Variants in METAP1 observed in about 807,000 individuals in gnomAD.
METAP1 encodes methionine aminopeptidase 1.
METAP1 carries 28 observed loss-of-function variants against 53.8 expected under a neutral mutation model. The observed-to-expected ratio is 0.52, with a 90% confidence interval of 0.39 to 0.71. METAP1 has a LOEUF of 0.71. Ranked by LOEUF, METAP1 falls within the 30% of genes least tolerant of loss-of-function variation. The pLI is 0.00. For missense variants in METAP1, 389 were observed against 479.8 expected (o/e 0.81, Z 1.77); for synonymous variants, 181 against 165.7 (o/e 1.09, Z -0.71).
At chr4:99,050,264 A>T (rs1230050496) in intron 9 of METAP1, among the ~76,000 whole-genome samples, 1 of 152,236 alleles carries the variant, frequency 6.6e-6, no homozygotes, top group Non-Finnish European at 1.5e-5. Context: ...GGTGTGCCAA[A>T]TGCCAGACTG....
chr4:99,003,719 T>C (rs1335166002), intron 1 of METAP1, among the ~76,000 whole-genome samples: 1 of 152,208 alleles, frequency 6.6e-6, no homozygotes, highest in African/African-American at 2.4e-5. Context: ...CAAACTTTTT[T>C]CCCTCTGTTC....
chr4:99,057,924 T>C, intron 10 of METAP1, 106 bp downstream of exon 10: 2 of 893,360 alleles, frequency 2.2e-6, no homozygotes, highest in Non-Finnish European at 1.7e-6. Context: ...TGCTTCCTAC[T>C]CACTCCCTGT....
chr4:99,031,488 G>T (rs1725023949), intron 2 of METAP1: 2 of 1,286,402 alleles, frequency 1.6e-6, no homozygotes, highest in Non-Finnish European at 2.0e-6. Context: ...ACACTAGTGT[G>T]CCTGATTTTT....
chr4:99,040,972 C>T (rs1449996503), intron 5 of METAP1, 71 bp from the exon 6 acceptor site: 1 of 906,930 alleles, frequency 1.1e-6, no homozygotes, highest in Admixed American at 2.4e-5. Context: ...CTTCCACAGT[C>T]AAACAGTAGA....
intron 2 of METAP1, among the ~76,000 whole-genome samples, chr4:99,032,479 G>A (rs1459314946): frequency 6.6e-6 from 1 of 152,092 alleles, no homozygotes; most frequent in Non-Finnish European, 1.5e-5. Context: ...CAGTCCACCT[G>A]CCTTGGCCTC....
At chr4:99,047,451 TCC>T (rs1726351631) in intron 8 of METAP1, among the ~76,000 whole-genome samples, 1 of 152,050 alleles carries the variant, frequency 6.6e-6, no homozygotes, top group African/African-American at 2.4e-5. Flanking sequence ...TTGTTCCCCC[TCC>T]CACCCCAGGC....
intron 1 of METAP1, among the ~76,000 whole-genome samples, chr4:99,022,090 G>A (rs1560705207): frequency 6.6e-6 from 1 of 152,200 alleles, no homozygotes; most frequent in Non-Finnish European, 1.5e-5. Context: ...ATATGCAGTA[G>A]TCATAATCAT....
intron 1 of METAP1, 93 bp downstream of exon 1, chr4:98,995,960 G>T: frequency 1.0e-6 from 1 of 1,003,922 alleles, no homozygotes; most frequent in Admixed American, 2.1e-5. Context: ...GGCGAGTCGG[G>T]ACGCGCTCCT....
chr4:99,053,233 A>G (rs1462090556), intron 9 of METAP1, among the ~76,000 whole-genome samples: 3 of 151,960 alleles, frequency 2.0e-5, no homozygotes, highest in Non-Finnish European at 4.4e-5. Context: ...ATGAATCACA[A>G]TTTTTTGGTT....
intron 1 of METAP1, chr4:99,023,675 T>A (rs1724315836): frequency 1.0e-6 from 1 of 985,240 alleles, no homozygotes; most frequent in South Asian, 4.7e-5. Context: ...AGGAAAGAAT[T>A]TGAGAGAGGT....
chr4:99,027,089 G>A (rs1399947971), intron 1 of METAP1, among the ~76,000 whole-genome samples: 2 of 152,196 alleles, frequency 1.3e-5, no homozygotes, highest in Non-Finnish European at 2.9e-5. Context: ...GGCTATTTGA[G>A]TAGCTACTTT....
intron 1 of METAP1, among the ~76,000 whole-genome samples, chr4:99,016,371 T>C (rs1391735578): frequency 2.0e-5 from 3 of 152,164 alleles, no homozygotes; most frequent in Non-Finnish European, 4.4e-5. Context: ...AAAATTTAGT[T>C]AGATGACTTG....
chr4:99,028,139 A>T (rs1346631413), intron 1 of METAP1, among the ~76,000 whole-genome samples: 1 of 152,228 alleles, frequency 6.6e-6, no homozygotes, highest in Admixed American at 6.5e-5. Flanking sequence ...ACATAAATAA[A>T]GTCTATGTCT....
chr4:99,013,307 C>T (rs1053956879), intron 1 of METAP1, among the ~76,000 whole-genome samples: 1 of 151,972 alleles, frequency 6.6e-6, no homozygotes, highest in Non-Finnish European at 1.5e-5. Context: ...CAACCCAGTC[C>T]ACCCCATTAA....
chr4:99,020,208 C>G (rs1441336806), intron 1 of METAP1, among the ~76,000 whole-genome samples: 2 of 152,094 alleles, frequency 1.3e-5, no homozygotes, highest in Non-Finnish European at 2.9e-5. Flanking sequence ...TAGTTTGGAA[C>G]CTAAAAACTG....
rs35135230 is a variant in METAP1 at position 99,060,360 on chromosome 4, C to CTTT, written c.998-775_998-773dup. On this transcript the variant is annotated intron_variant, in intron 10 of 10. Transcript: ENST00000296411. ...TAGAAGTGGAATCATTAAGCACATG[C>CTTT]TTTTTTTTTTTTTTTTTTTTTGAGA... 3.1e-3 allele frequency among the ~76,000 whole-genome samples: 323 copies of CTTT among 103,576 alleles called. 3 individuals carry two copies. The highest frequency in any genetic ancestry group is 4.4e-3 in the Non-Finnish European group (236 of 53,750). 67.9% of individuals were successfully genotyped at this position (103,576 alleles called of 152,430 possible).
At chr4:99,054,842 C>T (rs1726980204) in intron 9 of METAP1, among the ~76,000 whole-genome samples, 1 of 152,140 alleles carries the variant, frequency 6.6e-6, no homozygotes, top group South Asian at 2.1e-4. Flanking sequence ...GCCTTCAGAA[C>T]ACACACAAAC....
At chr4:99,061,041 A>G in intron 10 of METAP1, 113 bp from the exon 11 acceptor site, 1 of 1,120,846 alleles carries the variant, frequency 8.9e-7, no homozygotes, top group East Asian at 2.6e-5. Flanking sequence ...ATTAGCTAAA[A>G]CAATTGGCAT....
chr4:99,022,562 C>G, intron 1 of METAP1: 1 of 645,372 alleles, frequency 1.5e-6, no homozygotes, highest in Non-Finnish European at 2.8e-6. Flanking sequence ...TGTCCCCATT[C>G]CACACTTTGA....
Sources: allele counts gnomAD v4.1 joint callset (sites outside exome capture counted in the v4.1 genomes callset), GRCh38; gene constraint gnomAD v4.1.1; transcripts MANE v1.5; gene names NCBI Gene and HGNC (gene_info 2026-07-23, HGNC 2026-07-21).